The following PPP2R5C variants were observed in gnomAD, a reference collection of about 807,000 sequenced individuals.
PPP2R5C encodes protein phosphatase 2 regulatory subunit B'gamma.
Under a neutral mutation model 68.9 loss-of-function variants are expected in PPP2R5C, and 7 were observed. The ratio of observed to expected loss-of-function variants is 0.10; its 90% CI spans 0.06 to 0.19. PPP2R5C has a LOEUF of 0.19. PPP2R5C is among the 10% of genes least tolerant of loss of function. PPP2R5C has a pLI of 1.00. For missense variants in PPP2R5C, 348 were observed against 641.3 expected (o/e 0.54, Z 4.94); for synonymous variants, 210 against 222.2 (o/e 0.95, Z 0.49).
chr14:101,762,508 C>CG (rs748569673), intron 1 of PPP2R5C, among the ~76,000 whole-genome samples: 2 of 150,936 alleles, frequency 1.3e-5, no homozygotes, highest in African/African-American at 4.9e-5. Context: ...CGTTTGCATT[C>CG]GGGGGGGCGG....
chr14:101,800,419 C>G (rs995518416), intron 3 of PPP2R5C, among the ~76,000 whole-genome samples: 1 of 151,910 alleles, frequency 6.6e-6, no homozygotes, highest in Non-Finnish European at 1.5e-5. Context: ...AAAAATTAGC[C>G]AGGCGTGATG....
At chr14:101,885,387 C>T (rs1272446181) in intron 5 of PPP2R5C, among the ~76,000 whole-genome samples, 11 of 149,616 alleles carry the variant, frequency 7.4e-5, no homozygotes, top group East Asian at 2.0e-4. Context: ...CATTAGGGCC[C>T]GCAGCCCCGG....
At chr14:101,866,185 G>A (rs1227151315) in intron 2 of PPP2R5C, among the ~76,000 whole-genome samples, 4 of 152,200 alleles carry the variant, frequency 2.6e-5, no homozygotes, top group Non-Finnish European at 5.9e-5. Flanking sequence ...GTGAGCCAGC[G>A]CCCAGCCTCT....
chr14:101,859,311 T>A (rs1192483523), intron 2 of PPP2R5C, among the ~76,000 whole-genome samples: 7 of 152,244 alleles, frequency 4.6e-5, no homozygotes, highest in Admixed American at 4.6e-4. Context: ...TAGATAGGGT[T>A]GCAAGACTGG....
chr14:101,826,673 A>G (rs1341112722), intron 1 of PPP2R5C, among the ~76,000 whole-genome samples: 1 of 152,072 alleles, frequency 6.6e-6, no homozygotes, highest in Non-Finnish European at 1.5e-5. Flanking sequence ...GTGTGTTTCC[A>G]TATGAATTTT....
At chr14:101,852,652 A>T (rs2042231472) in intron 1 of PPP2R5C, among the ~76,000 whole-genome samples, 1 of 151,306 alleles carries the variant, frequency 6.6e-6, no homozygotes, top group Non-Finnish European at 1.5e-5. Flanking sequence ...TGTATTTTTT[A>T]GTAGAGATGG....
At chr14:101,872,453 G>T (rs1358608611) in intron 2 of PPP2R5C, among the ~76,000 whole-genome samples, 1 of 151,982 alleles carries the variant, frequency 6.6e-6, no homozygotes, top group Non-Finnish European at 1.5e-5. Context: ...GCCTAAGCTG[G>T]TCTCAAACTC....
At chr14:101,822,083 C>A (rs1261380706) in intron 1 of PPP2R5C, among the ~76,000 whole-genome samples, 2 of 129,840 alleles carry the variant, frequency 1.5e-5, no homozygotes, top group Admixed American at 7.4e-5. Flanking sequence ...CCCCCTGCCC[C>A]CCCCCCACAC....
chr14:101,811,221 G>GT (rs1003415249), intron 1 of PPP2R5C, among the ~76,000 whole-genome samples: 1 of 152,202 alleles, frequency 6.6e-6, no homozygotes, highest in African/African-American at 2.4e-5. Context: ...TGAATTTATT[G>GT]TTTTTGTAGT....
intron 13 of PPP2R5C, among the ~76,000 whole-genome samples, chr14:101,919,778 G>A (rs1008680121): frequency 3.9e-5 from 6 of 152,042 alleles, no homozygotes; most frequent in African/African-American, 1.4e-4. Flanking sequence ...AACAAGCCTG[G>A]CCAACATGGG....
chr14:101,836,596 T>C lies in PPP2R5C; in HGVS notation c.95-20090T>C, dbSNP rs552998874. On this transcript the variant is annotated intron_variant, in intron 1 of 13. Coordinates refer to ENST00000334743, the Ensembl canonical transcript of PPP2R5C. ...AAATGCCTGGGGTGTTGCATGCATT[T>C]TTCTAGGCTAGCAAAGCTTAAAGAT... The C allele has an allele frequency of 2.2e-4, 117 of 521,414 alleles. 3 individuals carry two copies. The South Asian group carries it at 3.5e-3, about 16-fold the overall frequency. The allele number at this position is 521,414 out of a possible 1,614,324, so 32.3% of individuals were successfully genotyped here.
intron 8 of PPP2R5C, among the ~76,000 whole-genome samples, chr14:101,901,139 G>A (rs2045663040): frequency 6.6e-6 from 1 of 152,186 alleles, no homozygotes; most frequent in Non-Finnish European, 1.5e-5. Flanking sequence ...GAAAGAAATG[G>A]GTTGTGTACA....
intron 1 of PPP2R5C, among the ~76,000 whole-genome samples, chr14:101,828,755 G>A (rs2040555204): frequency 6.8e-6 from 1 of 146,914 alleles, no homozygotes; most frequent in South Asian, 2.1e-4. Flanking sequence ...TCGGCTCACT[G>A]CAACCTCCGC....
intron 1 of PPP2R5C, among the ~76,000 whole-genome samples, chr14:101,852,448 CT>C (rs899160280): frequency 3.5e-5 from 5 of 141,164 alleles, no homozygotes; most frequent in East Asian, 2.0e-4. Flanking sequence ...CTTTTTTTTT[CT>C]TTTTTTTCAT....
chr14:101,925,220 C>T, exon 14 of PPP2R5C: 1 of 1,613,954 alleles, frequency 6.2e-7, no homozygotes, highest in Non-Finnish European at 8.5e-7. Flanking sequence ...ACCAAGAAAG[C>T]CTTGGAAGCT....
At chr14:101,890,340 A>C in intron 6 of PPP2R5C, 44 bp downstream of exon 8, 2 of 1,561,352 alleles carry the variant, frequency 1.3e-6, no homozygotes, top group African/African-American at 1.4e-5. Context: ...GATGGAATTT[A>C]TACCAGAGTG....
intron 2 of PPP2R5C, among the ~76,000 whole-genome samples, chr14:101,873,149 C>G (rs1224842944): frequency 1.3e-5 from 2 of 152,104 alleles, no homozygotes; most frequent in Non-Finnish European, 2.9e-5. Flanking sequence ...TTTAAAATAT[C>G]TTTCACGTCC....
chr14:101,865,977 T>G (rs909421280), intron 2 of PPP2R5C, among the ~76,000 whole-genome samples: 1 of 152,232 alleles, frequency 6.6e-6, no homozygotes, highest in Non-Finnish European at 1.5e-5. Context: ...CTCGGCTCAC[T>G]GCAACCTCCC....
chr14:101,893,049 T>C (rs1331276616), exon 7 of PPP2R5C: 1 of 1,612,172 alleles, frequency 6.2e-7, no homozygotes, highest in Non-Finnish European at 8.5e-7. Context: ...CAAGATTTTC[T>C]TATTGAAGGT....
Sources: allele counts gnomAD v4.1 joint callset (sites outside exome capture counted in the v4.1 genomes callset), GRCh38; gene constraint gnomAD v4.1.1; transcripts MANE v1.5; gene names NCBI Gene and HGNC (gene_info 2026-07-23, HGNC 2026-07-21).